The following MCTP2 variants were observed in gnomAD, a reference collection of about 807,000 sequenced individuals.
MCTP2 encodes multiple C2 and transmembrane domain-containing protein 2.
A neutral mutation model predicts 111.6 loss-of-function variants in MCTP2; 132 were observed. That is an observed-to-expected ratio of 1.18 (90% CI 1.03 to 1.37). The LOEUF (loss-of-function observed/expected upper bound fraction) is 1.37. MCTP2 is among the 40% of genes most tolerant of loss of function. The pLI, the probability that MCTP2 is intolerant of heterozygous loss-of-function variation, is 0.00. For synonymous variants in MCTP2, 395 were observed against 387.7 expected (o/e 1.02, Z -0.22); for missense variants, 1,183 against 1,067.9 (o/e 1.11, Z -1.50).
chr15:94,384,669 G>A (rs562317802), intron 13 of MCTP2, among the ~76,000 whole-genome samples: 2 of 152,282 alleles, frequency 1.3e-5, no homozygotes, highest in African/African-American at 4.8e-5. Context: ...TTGAGGGGAG[G>A]CCCTGTTGAA....
rs375661191 is a variant in MCTP2 at position 94,440,213 on chromosome 15, T to C, written c.2123T>C (p.Met708Thr). The C allele has an allele frequency of 7.2e-5, 116 of 1,613,996 alleles. No homozygotes were observed. The highest frequency in any genetic ancestry group is 1.2e-5 in the Non-Finnish European group (14 of 1,179,954). The change falls in exon 18 of 23, where the codon ATG becomes ACG. Residue 708 changes from methionine (M) to threonine (T), a missense_variant. Transcript: ENST00000357742. ...ACTGTCTGGAATTTTGAACTATATA[T>C]GATCCCCTTGGCATTGTTGCTGATC... ...LITVWNFELY[M>T]IPLALLLIFV... is the part of the protein sequence containing the mutation.
Position 94,247,749 on chromosome 15 carries a change from A to T in MCTP2, c.-66+16085A>T, listed in dbSNP as rs373185093. On this transcript the variant is annotated intron_variant, in intron 1 of 22. Transcript: ENST00000357742. ...GAGCAATAAATATGTATTACACAACATGTTTTTCCAAAAAGCTTAACAGTT... is the reference window on the plus strand; with the variant it reads ...GAGCAATAAATATGTATTACACAACTTGTTTTTCCAAAAAGCTTAACAGTT... Among the ~76,000 whole-genome samples the T allele has an allele frequency of 2.0e-4, 31 of 152,270 alleles. No individual in the cohort carries two copies. In the East Asian group the frequency reaches 5.8e-3, roughly 28 times the overall value.
chr15:94,416,158 A>C (rs1330406334), intron 17 of MCTP2, among the ~76,000 whole-genome samples: 1 of 152,128 alleles, frequency 6.6e-6, no homozygotes, highest in African/African-American at 2.4e-5. Context: ...TATGTGTCCT[A>C]CAGCCTGCAA....
chr15:94,471,853 C>T (rs1055888753), intron 21 of MCTP2, among the ~76,000 whole-genome samples: 1 of 151,416 alleles, frequency 6.6e-6, no homozygotes, highest in South Asian at 2.1e-4. Context: ...TGTTTTCGTG[C>T]GTACTACTAT....
chr15:94,385,290 G>T, intron 13 of MCTP2, 133 bp from the exon 14 acceptor site: 1 of 567,554 alleles, frequency 1.8e-6, no homozygotes. Flanking sequence ...TTTAATTTTT[G>T]GAATTTAATT....
intron 17 of MCTP2, among the ~76,000 whole-genome samples, chr15:94,407,924 G>A (rs150356909): frequency 6.6e-6 from 1 of 152,256 alleles, no homozygotes. Context: ...CTTGAGGACT[G>A]CTGTTTTCCA....
At chr15:94,410,513 C>G (rs1036449883) in intron 17 of MCTP2, among the ~76,000 whole-genome samples, 5 of 151,582 alleles carry the variant, frequency 3.3e-5, no homozygotes, top group African/African-American at 4.9e-5. Flanking sequence ...TGAGTCCAGC[C>G]TGGGCAACAG....
chr15:94,381,745 A>G (rs1202939475), intron 12 of MCTP2, among the ~76,000 whole-genome samples: 2 of 152,208 alleles, frequency 1.3e-5, no homozygotes, highest in Non-Finnish European at 2.9e-5. Flanking sequence ...GCATTAAGCC[A>G]AAAGTATGTG....
intron 1 of MCTP2, among the ~76,000 whole-genome samples, chr15:94,243,088 T>C (rs111230247): frequency 0.4 from 14,181 of 35,280 alleles, 3,919 homozygotes; most frequent in Admixed American, 0.45. Flanking sequence ...TCTACACATA[T>C]ACGTGTATAT....
intron 1 of MCTP2, among the ~76,000 whole-genome samples, chr15:94,264,410 C>G (rs1033899032): frequency 2.6e-5 from 4 of 152,000 alleles, no homozygotes; most frequent in African/African-American, 9.7e-5. Flanking sequence ...AGATCGAGAC[C>G]ATCCTGGCTA....
chr15:94,438,491 C>T (rs980827422), intron 17 of MCTP2, among the ~76,000 whole-genome samples: 3 of 152,008 alleles, frequency 2.0e-5, no homozygotes, highest in Non-Finnish European at 2.9e-5. Flanking sequence ...TACGGGTTCA[C>T]CTCAGTGAAG....
chr15:94,301,838 T>C (rs544086168), intron 2 of MCTP2, among the ~76,000 whole-genome samples: 1 of 151,296 alleles, frequency 6.6e-6, no homozygotes, highest in Admixed American at 6.6e-5. Context: ...TTCTGCTTTT[T>C]TTTTTTTTTT....
intron 12 of MCTP2, among the ~76,000 whole-genome samples, chr15:94,371,711 T>C (rs1337887200): frequency 2.0e-5 from 3 of 152,118 alleles, no homozygotes; most frequent in Non-Finnish European, 4.4e-5. Context: ...TAACCCGCGA[T>C]GGAGTCCTGC....
intron 17 of MCTP2, among the ~76,000 whole-genome samples, chr15:94,437,554 A>G (rs2083547173): frequency 6.6e-6 from 1 of 152,080 alleles, no homozygotes; most frequent in African/African-American, 2.4e-5. Context: ...TGTTAATATC[A>G]AGATACCAAT....
At chr15:94,343,873 T>C (rs559862618) in intron 7 of MCTP2, 5 of 152,338 alleles carry the variant, frequency 3.3e-5, no homozygotes, top group Non-Finnish European at 5.9e-5. Flanking sequence ...GTTGGTAGCA[T>C]TGTAGGAAGT....
At chr15:94,237,440 ATTT>A (rs34291691) in intron 1 of MCTP2, among the ~76,000 whole-genome samples, 11 of 146,204 alleles carry the variant, frequency 7.5e-5, no homozygotes, top group East Asian at 2.0e-4. Flanking sequence ...CTAAACTCGG[ATTT>A]TTTTTTTTTT....
At chr15:94,314,589 T>C in intron 3 of MCTP2, 1 of 557,098 alleles carries the variant, frequency 1.8e-6, no homozygotes, top group Non-Finnish European at 3.2e-6. Flanking sequence ...AGTGAGATAG[T>C]AAGGCAGATA....
At chr15:94,307,294 G>C (rs1388349875) in intron 2 of MCTP2, among the ~76,000 whole-genome samples, 1 of 152,172 alleles carries the variant, frequency 6.6e-6, no homozygotes. Flanking sequence ...TTATCATTTT[G>C]TACAGAGTGG....
intron 17 of MCTP2, among the ~76,000 whole-genome samples, chr15:94,415,859 CTG>C (rs1198749619): frequency 2.0e-5 from 3 of 152,132 alleles, no homozygotes; most frequent in African/African-American, 7.2e-5. Flanking sequence ...TTATCAGACT[CTG>C]TATCTCTTAT....
Sources: allele counts gnomAD v4.1 joint callset (sites outside exome capture counted in the v4.1 genomes callset), GRCh38; gene constraint gnomAD v4.1.1; transcripts MANE v1.5; gene names NCBI Gene and HGNC (gene_info 2026-07-23, HGNC 2026-07-21).